Variants in MARCHF10 observed in about 807,000 individuals in gnomAD.
MARCHF10 encodes membrane associated ring-CH-type finger 10.
Under a neutral mutation model 76.2 loss-of-function variants are expected in MARCHF10, and 64 were observed. That is an observed-to-expected ratio of 0.84 (90% CI 0.69 to 1.03). The LOEUF (loss-of-function observed/expected upper bound fraction) is 1.03, where lower values mean the gene tolerates loss of function less well. MARCHF10 is among the 50% of genes least tolerant of loss of function. The pLI is 0.00. For missense variants in MARCHF10, 875 were observed against 958.0 expected, an observed-to-expected ratio of 0.91 and a Z score of 1.14; for synonymous variants, 340 against 357.5, an observed-to-expected ratio of 0.95 and a Z score of 0.55.
At chr17:62,759,652 G>A (rs2092140630) in intron 4 of MARCHF10, among the ~76,000 whole-genome samples, 183 bp downstream of exon 4, 1 of 152,042 alleles carries the variant, frequency 6.6e-6, no homozygotes, top group Non-Finnish European at 1.5e-5. Context: ...TGTATTTTTA[G>A]TAGAGACAGG....
intron 4 of MARCHF10, among the ~76,000 whole-genome samples, chr17:62,757,143 A>G (rs2092070128): frequency 6.6e-6 from 1 of 151,974 alleles, no homozygotes; most frequent in Non-Finnish European, 1.5e-5. Context: ...TTTTTTTTTC[A>G]GTAAAAGTCT....
intron 2 of MARCHF10, among the ~76,000 whole-genome samples, chr17:62,801,227 C>T (rs973782319): frequency 6.6e-6 from 1 of 152,174 alleles, no homozygotes. Context: ...GGCGCGATCT[C>T]GGCTTACTGC....
chr17:62,762,277 G>C (rs1005745680), intron 3 of MARCHF10, among the ~76,000 whole-genome samples: 1 of 152,162 alleles, frequency 6.6e-6, no homozygotes, highest in East Asian at 1.9e-4. Flanking sequence ...TGTTACCTAC[G>C]GGATTGTGAG....
chr17:62,703,975 C>A (rs1458161084), intron 10 of MARCHF10, among the ~76,000 whole-genome samples: 4 of 152,154 alleles, frequency 2.6e-5, no homozygotes, highest in Admixed American at 1.3e-4. Flanking sequence ...GGAAGCCACG[C>A]GGGCGCGCCC....
At chr17:62,786,668 G>A (rs2092753409) in intron 3 of MARCHF10, among the ~76,000 whole-genome samples, 1 of 152,192 alleles carries the variant, frequency 6.6e-6, no homozygotes, top group Non-Finnish European at 1.5e-5. Flanking sequence ...AGTGGTCTGA[G>A]TGTTTTGCAG....
In MARCHF10 at chr17:62,701,635, C is replaced by T; in HGVS notation, c.*68G>A. 1 of 1,611,962 alleles carries T rather than the reference C, an allele frequency of 6.2e-7. No homozygotes were observed. Among genetic ancestry groups the T allele is most frequent in the Non-Finnish European group, 8.5e-7 (1 of 1,179,554 alleles). On this transcript the variant is annotated 3_prime_UTR_variant, in exon 11 of 11. Transcript: ENST00000311269. ...CAGTAAAGAGGAGGAGGGAGGGAGG[C>T]ACTTGGGGACGTAGAAAGAAGGGCT...
At chr17:62,774,628 C>T (rs371012174) in intron 3 of MARCHF10, among the ~76,000 whole-genome samples, 35 of 152,218 alleles carry the variant, frequency 2.3e-4, no homozygotes, top group African/African-American at 7.0e-4. Flanking sequence ...CACTGCTCAC[C>T]GTTTCCCAGA....
intron 6 of MARCHF10, among the ~76,000 whole-genome samples, chr17:62,727,028 C>A (rs1045953807): frequency 6.6e-6 from 1 of 152,188 alleles, no homozygotes; most frequent in Non-Finnish European, 1.5e-5. Flanking sequence ...CCATCAGGTT[C>A]ACCGGTAGAG....
At chr17:62,725,296 C>T (rs1417919635) in intron 6 of MARCHF10, among the ~76,000 whole-genome samples, 192 bp from the exon 7 acceptor site, 1 of 152,190 alleles carries the variant, frequency 6.6e-6, no homozygotes, top group East Asian at 1.9e-4. Context: ...CAGAGTCTCA[C>T]TCCGTTGCCC....
rs1207861655 is a variant in MARCHF10 at position 62,771,574 on chromosome 17, A to ATTTT, written c.211-11572_211-11569dup. Among the ~76,000 whole-genome samples the ATTTT allele has an allele frequency of 1.8e-4, 23 of 126,236 alleles. 1 individual carries two copies. Among genetic ancestry groups the ATTTT allele is most frequent in the East Asian group, 4.7e-4 (2 of 4,230 alleles). 82.8% of individuals were successfully genotyped at this position (126,236 alleles called of 152,430 possible). A position where few individuals can be genotyped will look rare whatever the true frequency, so the allele number is the denominator to read the frequency against. ...GACTGAGCTCTGCTTGTCAATATCTATTTTTTTTTTTTTTTTTTCTGAGAC... is the reference window on the plus strand; with the variant it reads ...GACTGAGCTCTGCTTGTCAATATCTATTTTTTTTTTTTTTTTTTTTTTCTGAGAC... On this transcript the variant is annotated intron_variant, in intron 3 of 10. Coordinates refer to ENST00000311269, the MANE Select transcript of MARCHF10 (RefSeq NM_152598.4).
intron 4 of MARCHF10, among the ~76,000 whole-genome samples, chr17:62,759,371 T>C (rs1031613764): frequency 4.6e-5 from 7 of 152,358 alleles, no homozygotes; most frequent in African/African-American, 1.4e-4. Context: ...TATATTCTAC[T>C]CTGAAATTAA....
At chr17:62,787,204 G>A (rs951224955) in intron 3 of MARCHF10, among the ~76,000 whole-genome samples, 49 of 152,104 alleles carry the variant, frequency 3.2e-4, no homozygotes, top group African/African-American at 1.1e-3. Context: ...TTTATTGTAC[G>A]ATTTTATATT....
intron 1 of MARCHF10, among the ~76,000 whole-genome samples, chr17:62,807,518 C>A (rs2093181235): frequency 2.0e-5 from 3 of 152,108 alleles, no homozygotes; most frequent in Admixed American, 6.5e-5. Context: ...GGGGAGGAAA[C>A]GTCACAGGTT....
At chr17:62,776,952 C>T (rs545922995) in intron 3 of MARCHF10, among the ~76,000 whole-genome samples, 1 of 152,266 alleles carries the variant, frequency 6.6e-6, no homozygotes, top group Admixed American at 6.5e-5. Context: ...CTCTGGTCAC[C>T]ACTTGTTCCG....
intron 6 of MARCHF10, among the ~76,000 whole-genome samples, chr17:62,731,644 A>C (rs1360462349): frequency 2.0e-5 from 3 of 152,206 alleles, no homozygotes; most frequent in Non-Finnish European, 2.9e-5. Flanking sequence ...GACCCTCATA[A>C]GGGGTGGTGA....
Position 62,711,308 on chromosome 17 carries a change from C to T in MARCHF10, c.2251G>A (p.Val751Met). The change falls in exon 9 of 11, where the codon GTG becomes ATG. Residue 751 changes from valine to methionine, a missense_variant. Physicochemically the swap from Val to Met is conservative, Grantham distance 21. Coordinates refer to ENST00000311269, the MANE Select transcript of MARCHF10 (RefSeq NM_152598.4). The surrounding 1 kb of genome is among the most constrained non-coding windows in gnomAD (Gnocchi z 4.4). ...NELMNSGLYL[V>M]LLLHLYEQRF... ...TGCTCATAGAGGTGAAGCAGCAGCA[C>T]CAGGTACAAGCCTGAATTCATCAGC... 1.9e-6 allele frequency: 3 copies of T among 1,614,144 alleles called. No individual in the cohort carries two copies. The highest frequency in any genetic ancestry group is 2.5e-6 in the Non-Finnish European group (3 of 1,180,006).
intron 4 of MARCHF10, among the ~76,000 whole-genome samples, chr17:62,747,182 T>C (rs1247303902): frequency 1.3e-5 from 2 of 152,176 alleles, no homozygotes; most frequent in African/African-American, 2.4e-5. Flanking sequence ...GCAGGACAAA[T>C]ATTAGTATGA....
At chr17:62,705,828 G>A (rs150503659) in intron 9 of MARCHF10, among the ~76,000 whole-genome samples, 339 of 152,262 alleles carry the variant, frequency 2.2e-3, no homozygotes, top group African/African-American at 7.6e-3. Flanking sequence ...ATTTGGCAGC[G>A]AGAACAGACT....
rs749194782 is a variant in MARCHF10 at position 62,736,789 on chromosome 17, A to G, written c.1079T>C (p.Met360Thr). 1 of 1,614,084 alleles carries G rather than the reference A, an allele frequency of 6.2e-7. No homozygotes were observed. Among genetic ancestry groups the G allele is most frequent in the Admixed American group, 1.7e-5 (1 of 60,008 alleles). ...AGAAGGCCGCTCTGTTGCTGGCTCC[A>G]TTGCATTGCTTATTCTCAATGAGCC... ...SHGSLRISNA[M>T]EPATERPSAG... is the part of the protein sequence containing the mutation. Residue 360 changes from methionine to threonine, a missense_variant, in exon 6 of 11, where the codon ATG becomes ACG. Transcript: ENST00000311269.
Sources: allele counts gnomAD v4.1 joint callset (sites outside exome capture counted in the v4.1 genomes callset), GRCh38; gene constraint gnomAD v4.1.1; non-coding constraint Gnocchi (gnomAD v3.1); transcripts MANE v1.5; gene names NCBI Gene and HGNC (gene_info 2026-07-23, HGNC 2026-07-21).